The following ANTXR2 variants were observed in gnomAD, a reference collection of about 807,000 sequenced individuals.
ANTXR2 encodes the protein ANTXR cell adhesion molecule 2, also known as anthrax toxin receptor 2.
In ANTXR2, 44 loss-of-function variants were observed where a neutral mutation model predicts 73.7. That is an observed-to-expected ratio of 0.60 (90% CI 0.47 to 0.77). The LOEUF is 0.77. ANTXR2 is among the 30% of genes least tolerant of loss of function. The pLI, the probability that ANTXR2 is intolerant of heterozygous loss-of-function variation, is 0.00. For missense variants in ANTXR2, 604 were observed against 592.5 expected (o/e 1.02, Z -0.20); for synonymous variants, 217 against 205.9 (o/e 1.05, Z -0.46).
rs1340083261 is a variant in ANTXR2, at chr4:79,902,154, T to C, written c.*5275A>G. On this transcript the variant is annotated 3_prime_UTR_variant, in exon 17 of 17. Transcript: ENST00000403729. ...GGATCACCCACTGACATTTACAATGTTGTAAATATAATTCATCTAAGATAC... is the reference window on the plus strand; with the variant it reads ...GGATCACCCACTGACATTTACAATGCTGTAAATATAATTCATCTAAGATAC... The C allele has an allele frequency of 6.6e-6, 1 of 152,146 alleles. No homozygotes were observed. The highest frequency in any genetic ancestry group is 1.9e-4 in the East Asian group (1 of 5,196). 9.4% of individuals were successfully genotyped at this position (152,146 alleles called of 1,614,324 possible).
chr4:79,990,383 C>CAAAAAAAAAAAAAAAAAAAAAA lies in ANTXR2; in HGVS notation c.1042-5521_1042-5520insTTTTTTTTTTTTTTTTTTTTTT, dbSNP rs70944757. ...ATCAAGAATTCAATAACAACAGTTA[C>CAAAAAAAAAAAAAAAAAAAAAA]AAAAAAAAAAAAAAAAAAACACCTT... On this transcript the variant is annotated intron_variant, in intron 12 of 16. Coordinates refer to ENST00000403729, the MANE Select transcript of ANTXR2 (RefSeq NM_058172.6). Among the ~76,000 whole-genome samples the CAAAAAAAAAAAAAAAAAAAAAA allele has an allele frequency of 1.2e-4, 9 of 76,934 alleles. 1 individual carries two copies. Among genetic ancestry groups the CAAAAAAAAAAAAAAAAAAAAAA allele is most frequent in the Admixed American group, 1.7e-4 (1 of 5,764 alleles). The allele number at this position is 76,934 out of a possible 152,430, so 50.5% of individuals were successfully genotyped here.
intron 10 of ANTXR2, 33 bp from the exon 11 acceptor site, chr4:80,019,009 C>A: frequency 7.4e-7 from 1 of 1,344,848 alleles, no homozygotes; most frequent in Non-Finnish European, 9.9e-7. Context: ...ATTTTATATA[C>A]ATTTAAAACC....
Position 79,933,736 on chromosome 4 carries a change from T to TTTG in ANTXR2, c.1429-26270_1429-26269insCAA, listed in dbSNP as rs955925442. Among the ~76,000 whole-genome samples, 27 of 18,640 alleles carry TTTG rather than the reference T, an allele frequency of 1.4e-3. No individual in the cohort carries two copies. The East Asian group carries it at 0.17, about 118-fold the overall frequency. The allele number at this position is 18,640 out of a possible 152,430, so 12.2% of individuals were successfully genotyped here. A position where few individuals can be genotyped will look rare whatever the true frequency, so the allele number is the denominator to read the frequency against. On this transcript the variant is annotated intron_variant, in intron 16 of 16. Coordinates refer to ENST00000403729, the MANE Select transcript of ANTXR2 (RefSeq NM_058172.6). ...CCCACAACAGGCCCTGGTGTGTTTG[T>TTTG]TTTTTTTTTTTTTTTTGAGACAGAG...
chr4:79,995,317 C>T (rs1016240137), intron 12 of ANTXR2, among the ~76,000 whole-genome samples: 3 of 146,816 alleles, frequency 2.0e-5, no homozygotes, highest in African/African-American at 7.3e-5. Context: ...ATTGATGGAA[C>T]TGAGAACGTT....
intron 11 of ANTXR2, among the ~76,000 whole-genome samples, chr4:80,009,363 A>T (rs1731457943): frequency 6.6e-6 from 1 of 152,150 alleles, no homozygotes; most frequent in Non-Finnish European, 1.5e-5. Context: ...TGACTATAAA[A>T]TGCCCCTTTG....
At chr4:80,023,814 A>G (rs1163152865) in intron 10 of ANTXR2, among the ~76,000 whole-genome samples, 1 of 152,226 alleles carries the variant, frequency 6.6e-6, no homozygotes, top group Non-Finnish European at 1.5e-5. Context: ...AGAGGGTGAG[A>G]GTAAGAATGA....
At chr4:80,043,983 A>G (rs1017305339) in intron 7 of ANTXR2, among the ~76,000 whole-genome samples, 4 of 151,972 alleles carry the variant, frequency 2.6e-5, no homozygotes, top group African/African-American at 9.7e-5. Flanking sequence ...GACAAGAGGC[A>G]GAAATTCACT....
Position 79,972,921 on chromosome 4 carries a change from A to T in ANTXR2, c.1428+4700T>A, listed in dbSNP as rs1461558691. Among the ~76,000 whole-genome samples, 2 of 123,514 alleles carry T rather than the reference A, an allele frequency of 1.6e-5. 1 individual carries two copies. Among genetic ancestry groups the T allele is most frequent in the Non-Finnish European group, 3.2e-5 (2 of 62,630 alleles). 81.0% of individuals were successfully genotyped at this position (123,514 alleles called of 152,430 possible). On this transcript the variant is annotated intron_variant, in intron 16 of 16. Transcript: ENST00000403729. ...TGTACCCTAAAACTTAGAGTATAAT[A>T]AAAAAAAAAAAAAAAAAAGAATAGG...
chr4:79,984,804 T>G lies in ANTXR2; in HGVS notation c.1086+15A>C. ...AAAAAAAACAGCCATATCAGTTTTT[T>G]AGGCACTCACTTACCTCTTTTGGTG... is the stretch of plus-strand genomic sequence containing the variant. On this transcript the variant is annotated intron_variant, in intron 13 of 16. Transcript: ENST00000403729. The G allele has an allele frequency of 6.2e-7, 1 of 1,603,912 alleles. No homozygotes were observed. Among genetic ancestry groups the G allele is most frequent in the Non-Finnish European group, 8.5e-7 (1 of 1,173,384 alleles).
chr4:79,936,519 T>C (rs190239145), intron 16 of ANTXR2, among the ~76,000 whole-genome samples: 6 of 152,296 alleles, frequency 3.9e-5, no homozygotes, highest in Non-Finnish European at 5.9e-5. Context: ...TCTCCAAAAG[T>C]TTCCTTTTCT....
chr4:80,056,554 C>T (rs1270211237), intron 3 of ANTXR2, among the ~76,000 whole-genome samples: 2 of 151,824 alleles, frequency 1.3e-5, no homozygotes, highest in Admixed American at 1.3e-4. Flanking sequence ...ACCTTCTCAC[C>T]CATCCAGACA....
chr4:80,001,898 C>T (rs1316854679), intron 12 of ANTXR2, among the ~76,000 whole-genome samples: 4 of 151,328 alleles, frequency 2.6e-5, no homozygotes, highest in Non-Finnish European at 5.9e-5. Flanking sequence ...TTTCCATTTG[C>T]TTGGTAGATC....
chr4:80,026,580 C>T lies in ANTXR2; in HGVS notation c.866+5043G>A, dbSNP rs1278946591. Among the ~76,000 whole-genome samples, 3 of 151,954 alleles carry T rather than the reference C, an allele frequency of 2.0e-5. No homozygotes were observed. In the East Asian group the frequency reaches 5.8e-4, roughly 29 times the overall value. ...TAGGTGTCCATCTTTAAATACTTTTCATTGTCCAAATAATTATCTACTAAA... is the reference window on the plus strand; with the variant it reads ...TAGGTGTCCATCTTTAAATACTTTTTATTGTCCAAATAATTATCTACTAAA... On this transcript the variant is annotated intron_variant, in intron 10 of 16. Transcript: ENST00000403729.
chr4:80,048,964 T>C (rs1043976658), intron 7 of ANTXR2, among the ~76,000 whole-genome samples: 1 of 151,766 alleles, frequency 6.6e-6, no homozygotes, highest in African/African-American at 2.4e-5. Flanking sequence ...GTTCCCTTCC[T>C]ATTTATGCTT....
At chr4:80,003,835 T>A (rs982672271) in intron 12 of ANTXR2, among the ~76,000 whole-genome samples, 1 of 152,118 alleles carries the variant, frequency 6.6e-6, no homozygotes, top group African/African-American at 2.4e-5. Context: ...GTACCACCAC[T>A]CTGGGTAACA....
intron 10 of ANTXR2, chr4:80,024,759 A>G (rs1206041099): frequency 7.1e-6 from 3 of 423,934 alleles, no homozygotes; most frequent in Non-Finnish European, 1.4e-5. Context: ...ACCCCACCTC[A>G]AAAAGAAAAA....
chr4:80,071,448 G>A (rs1734780809), intron 2 of ANTXR2, 135 bp downstream of exon 2: 1 of 720,090 alleles, frequency 1.4e-6, no homozygotes, highest in African/African-American at 1.8e-5. Context: ...ATAACAGCAT[G>A]TGTGCAATAC....
chr4:79,915,829 C>CTT (rs1727324028), intron 16 of ANTXR2, among the ~76,000 whole-genome samples: 1 of 132,948 alleles, frequency 7.5e-6, no homozygotes, highest in Non-Finnish European at 1.6e-5. Context: ...TGTCTCTCTC[C>CTT]CTCTCTCTCT....
intron 10 of ANTXR2, among the ~76,000 whole-genome samples, chr4:80,031,007 C>T (rs1254546997): frequency 1.3e-5 from 2 of 151,896 alleles, no homozygotes; most frequent in African/African-American, 4.8e-5. Context: ...ATAAACAATT[C>T]AAATAAGACT....
Sources: allele counts gnomAD v4.1 joint callset (sites outside exome capture counted in the v4.1 genomes callset), GRCh38; gene constraint gnomAD v4.1.1; transcripts MANE v1.5; gene names NCBI Gene and HGNC (gene_info 2026-07-23, HGNC 2026-07-21).